The following CLSTN2 variants were observed in gnomAD, a reference collection of about 807,000 sequenced individuals.
CLSTN2 encodes calsyntenin-2.
A neutral mutation model predicts 101.2 loss-of-function variants in CLSTN2; 48 were observed. That is an observed-to-expected ratio of 0.47 (90% CI 0.38 to 0.60). The LOEUF is 0.60. Ranked by LOEUF, CLSTN2 falls within the 20% of genes least tolerant of loss-of-function variation. The pLI, the probability that CLSTN2 is intolerant of heterozygous loss-of-function variation, is 0.00. For synonymous variants in CLSTN2, 481 were observed against 463.6 expected (o/e 1.04, Z -0.48); for missense variants, 1,160 against 1,238.2 (o/e 0.94, Z 0.95).
intron 2 of CLSTN2, among the ~76,000 whole-genome samples, chr3:140,210,328 C>G (rs532309963): frequency 6.6e-6 from 1 of 152,298 alleles, no homozygotes; most frequent in South Asian, 2.1e-4. Flanking sequence ...AAGGATGTAA[C>G]TTATGAAGCA....
At chr3:140,085,134 G>A (rs889003095) in intron 1 of CLSTN2, among the ~76,000 whole-genome samples, 6 of 152,136 alleles carry the variant, frequency 3.9e-5, no homozygotes, top group African/African-American at 1.2e-4. Context: ...GGTTGATTTT[G>A]TTTGCACATG....
At chr3:140,238,066 G>A (rs1161406682) in intron 2 of CLSTN2, among the ~76,000 whole-genome samples, 1 of 152,108 alleles carries the variant, frequency 6.6e-6, no homozygotes, top group African/African-American at 2.4e-5. Context: ...AAAGGGACTG[G>A]TCCATTCTGC....
intron 8 of CLSTN2, among the ~76,000 whole-genome samples, chr3:140,475,836 A>G (rs920037489): frequency 1.3e-5 from 2 of 152,224 alleles, no homozygotes; most frequent in South Asian, 4.1e-4. Context: ...ATCCCCTAAT[A>G]CATATTTAAA....
At chr3:140,176,706 T>G (rs1341628430) in intron 2 of CLSTN2, among the ~76,000 whole-genome samples, 1 of 152,222 alleles carries the variant, frequency 6.6e-6, no homozygotes, top group Non-Finnish European at 1.5e-5. Flanking sequence ...CTATGCTTCA[T>G]GCTTCCATGG....
intron 2 of CLSTN2, among the ~76,000 whole-genome samples, chr3:140,213,982 G>C (rs968412716): frequency 6.6e-6 from 1 of 152,104 alleles, no homozygotes; most frequent in Non-Finnish European, 1.5e-5. Context: ...CTATCCTTGA[G>C]CTAATCCATT....
intron 1 of CLSTN2, among the ~76,000 whole-genome samples, chr3:140,153,527 G>A (rs1013617129): frequency 6.6e-6 from 1 of 152,226 alleles, no homozygotes; most frequent in Non-Finnish European, 1.5e-5. Flanking sequence ...ATGAAGCCTG[G>A]GTGCACCTGT....
intron 8 of CLSTN2, among the ~76,000 whole-genome samples, chr3:140,525,518 A>C (rs928597998): frequency 2.0e-5 from 3 of 152,140 alleles, no homozygotes; most frequent in African/African-American, 7.2e-5. Context: ...ACTGATACCA[A>C]TCCTACTGAA....
At chr3:140,176,820 A>G (rs2010332654) in intron 2 of CLSTN2, among the ~76,000 whole-genome samples, 1 of 152,208 alleles carries the variant, frequency 6.6e-6, no homozygotes, top group East Asian at 1.9e-4. Context: ...ACATTTTATA[A>G]CTGTCCGGAG....
intron 8 of CLSTN2, among the ~76,000 whole-genome samples, chr3:140,471,365 C>T (rs544735032): frequency 6.6e-6 from 1 of 152,282 alleles, no homozygotes; most frequent in African/African-American, 2.4e-5. Context: ...ACAGTATGTT[C>T]CACTTATGGG....
At chr3:140,060,441 A>C (rs1043867089) in intron 1 of CLSTN2, among the ~76,000 whole-genome samples, 1 of 152,122 alleles carries the variant, frequency 6.6e-6, no homozygotes, top group Non-Finnish European at 1.5e-5. Flanking sequence ...TTGGAAATGA[A>C]CTCCACAAGG....
chr3:140,197,987 T>C (rs2010667378), intron 2 of CLSTN2, among the ~76,000 whole-genome samples: 1 of 152,204 alleles, frequency 6.6e-6, no homozygotes, highest in Non-Finnish European at 1.5e-5. Context: ...CCTGGGCAAT[T>C]AGAATTTTAT....
At chr3:140,051,517 A>G (rs962222367) in intron 1 of CLSTN2, among the ~76,000 whole-genome samples, 2 of 152,122 alleles carry the variant, frequency 1.3e-5, no homozygotes, top group African/African-American at 4.8e-5. Flanking sequence ...GCAAAAGGAT[A>G]GGGAGGAGCA....
intron 1 of CLSTN2, among the ~76,000 whole-genome samples, chr3:140,115,259 C>A (rs2009221912): frequency 6.6e-6 from 1 of 152,196 alleles, no homozygotes; most frequent in Non-Finnish European, 1.5e-5. Context: ...TCTTTGCCTT[C>A]CTGGTTACAA....
Position 139,966,040 on chromosome 3 carries a change from A to G in CLSTN2, c.109+30557A>G, listed in dbSNP as rs527367183. Among the ~76,000 whole-genome samples the G allele has an allele frequency of 5.3e-5, 8 of 152,316 alleles. No individual in the cohort carries two copies. In the East Asian group the frequency reaches 9.7e-4, roughly 18 times the overall value. On this transcript the variant is annotated intron_variant, in intron 1 of 16. Coordinates refer to ENST00000458420, the MANE Select transcript of CLSTN2 (RefSeq NM_022131.3). Reference sequence around the variant, plus strand: ...GTGCTAGAAGAACTGGGCCAGGGTCAAAAGAACAGACAAGCTAGTGGAAAA... The same window carrying G: ...GTGCTAGAAGAACTGGGCCAGGGTCGAAAGAACAGACAAGCTAGTGGAAAA...
At chr3:139,950,474 T>C (rs1035863970) in intron 1 of CLSTN2, among the ~76,000 whole-genome samples, 4 of 152,220 alleles carry the variant, frequency 2.6e-5, no homozygotes, top group Non-Finnish European at 4.4e-5. Flanking sequence ...TAGACCATTT[T>C]TTCTGTAACT....
At chr3:140,367,484 T>G (rs750779203) in intron 2 of CLSTN2, among the ~76,000 whole-genome samples, 10 of 125,030 alleles carry the variant, frequency 8.0e-5, no homozygotes, top group Non-Finnish European at 1.4e-4. Flanking sequence ...CTGCACTCCA[T>G]CCTGGTGACA....
At chr3:140,282,839 A>T (rs1222474230) in intron 2 of CLSTN2, among the ~76,000 whole-genome samples, 2 of 152,214 alleles carry the variant, frequency 1.3e-5, no homozygotes, top group African/African-American at 4.8e-5. Context: ...TTACTTTAAA[A>T]GTTATGAGAG....
chr3:140,108,744 A>G (rs761270382), intron 1 of CLSTN2, among the ~76,000 whole-genome samples: 3 of 152,114 alleles, frequency 2.0e-5, no homozygotes, highest in African/African-American at 7.2e-5. Context: ...TTGAAGCCCT[A>G]TTTCTTCTAG....
chr3:140,298,883 C>T (rs2087028087), intron 2 of CLSTN2, among the ~76,000 whole-genome samples: 1 of 152,150 alleles, frequency 6.6e-6, no homozygotes, highest in African/African-American at 2.4e-5. Flanking sequence ...GCCCTTCAAC[C>T]TGAATAAAAG....
Sources: gnomAD v4.1 joint callset for allele counts (sites outside exome capture counted in the v4.1 genomes callset) on GRCh38, gnomAD v4.1.1 for gene constraint, MANE v1.5 for transcripts, NCBI Gene and HGNC (gene_info 2026-07-23, HGNC 2026-07-21) for gene names.